ZNF610: variants seen among roughly 807,000 people sequenced by gnomAD.
ZNF610 encodes zinc finger protein 610, also known as zink finger protein.
In ZNF610, 14 loss-of-function variants were observed where a neutral mutation model predicts 14.1. The ratio of observed to expected loss-of-function variants is 0.99; its 90% confidence interval spans 0.65 to 1.55. The LOEUF is 1.55. Among genes scored for constraint, ZNF610 ranks in the 40% most tolerant of loss-of-function variants. The pLI, the probability that ZNF610 is intolerant of heterozygous loss-of-function variation, is 0.00. For synonymous variants in ZNF610, 185 were observed against 187.6 expected, an observed-to-expected ratio of 0.99 and a Z score of 0.11; for missense variants, 530 against 558.0, an observed-to-expected ratio of 0.95 and a Z score of 0.51.
intron 1 of ZNF610, among the ~76,000 whole-genome samples, chr19:52,341,821 A>G (rs1451924793): frequency 6.6e-6 from 1 of 151,314 alleles, no homozygotes; most frequent in African/African-American, 2.4e-5. Flanking sequence ...TTATTTATTT[A>G]TTTTTGAGAC....
chr19:52,347,447 T>G (rs1568647745), intron 1 of ZNF610, among the ~76,000 whole-genome samples: 1 of 152,214 alleles, frequency 6.6e-6, no homozygotes, highest in Non-Finnish European at 1.5e-5. Context: ...CAAAAAGTTA[T>G]AGTAAGCTAA....
chr19:52,359,232 G>A (rs1451855892), intron 5 of ZNF610, among the ~76,000 whole-genome samples: 1 of 152,144 alleles, frequency 6.6e-6, no homozygotes. Context: ...TTTGGCTATT[G>A]ACATCTTAAC....
chr19:52,367,453 A>G lies in ZNF610; in HGVS notation c.*686A>G, dbSNP rs1986163942. 6.6e-6 allele frequency: 1 copy of G among 152,166 alleles called. No individual in the cohort carries two copies. The highest frequency in any genetic ancestry group is 1.5e-5 in the Non-Finnish European group (1 of 68,036). 9.4% of individuals were successfully genotyped at this position (152,166 alleles called of 1,614,324 possible). On this transcript the variant is annotated 3_prime_UTR_variant, in exon 6 of 6. Coordinates refer to ENST00000403906, the MANE Select transcript of ZNF610 (RefSeq NM_001161425.2). ...TTTAAATTTTTCTTAGTGTGAATGA[A>G]TTACATCCTTTCTACCAGCGTTGTT...
intron 1 of ZNF610, among the ~76,000 whole-genome samples, chr19:52,340,960 C>T (rs60690959): frequency 0.62 from 93,636 of 151,900 alleles, 29,580 homozygotes; most frequent in Non-Finnish European, 0.7. Flanking sequence ...GGATTACAGG[C>T]GGGAGCCACT....
chr19:52,350,997 A>C (rs149251901), intron 3 of ZNF610, among the ~76,000 whole-genome samples: 138 of 152,194 alleles, frequency 9.1e-4, no homozygotes, highest in African/African-American at 2.9e-3. Flanking sequence ...CAAAACTCCA[A>C]AAGAAATATA....
At chr19:52,342,188 C>T (rs1984718523) in intron 1 of ZNF610, among the ~76,000 whole-genome samples, 1 of 152,088 alleles carries the variant, frequency 6.6e-6, no homozygotes, top group Non-Finnish European at 1.5e-5. Flanking sequence ...AGTGATTTTC[C>T]CACGTCAGCC....
chr19:52,331,821 G>T (rs1568641183), upstream of ZNF610, among the ~76,000 whole-genome samples: 1 of 152,172 alleles, frequency 6.6e-6, no homozygotes, highest in Non-Finnish European at 1.5e-5. Flanking sequence ...CAGAGCCCTT[G>T]TCCACTAGAG....
At chr19:52,346,446 A>AGCATG (rs1984964191) in intron 1 of ZNF610, among the ~76,000 whole-genome samples, 1 of 151,932 alleles carries the variant, frequency 6.6e-6, no homozygotes, top group Non-Finnish European at 1.5e-5. Context: ...TACAGGCGTG[A>AGCATG]GCATGGGGCC....
chr19:52,356,896 A>G (rs1302660219), intron 5 of ZNF610, among the ~76,000 whole-genome samples: 1 of 152,218 alleles, frequency 6.6e-6, no homozygotes, highest in African/African-American at 2.4e-5. Flanking sequence ...ATAAACACAG[A>G]CAACTTATGT....
At chr19:52,332,143 A>G (rs1031976362), upstream of ZNF610, among the ~76,000 whole-genome samples, 6 of 152,244 alleles carry the variant, frequency 3.9e-5, no homozygotes, top group Admixed American at 1.3e-4. The surrounding 1 kb of genome is among the most constrained non-coding windows in gnomAD (Gnocchi z 4.1). Context: ...TTAAAGAAGT[A>G]CTGGGAATGG....
chr19:52,348,068 T>C (rs940950883), intron 2 of ZNF610, 124 bp downstream of exon 2: 4 of 152,244 alleles, frequency 2.6e-5, no homozygotes, highest in African/African-American at 9.6e-5. Flanking sequence ...TTGCCTGTAG[T>C]ATTCAGTACA....
chr19:52,333,632 C>T (rs1032949781), upstream of ZNF610, among the ~76,000 whole-genome samples: 4 of 152,190 alleles, frequency 2.6e-5, no homozygotes, highest in African/African-American at 9.7e-5. Context: ...AAATAGTAAC[C>T]TCTGAAGGGA....
intron 2 of ZNF610, 109 bp from the exon 3 acceptor site, chr19:52,349,045 A>G (rs1985105468): frequency 1.4e-6 from 1 of 722,332 alleles, no homozygotes; most frequent in African/African-American, 1.8e-5. Flanking sequence ...GCAGTGGGCA[A>G]CAGAGGACAT....
intron 3 of ZNF610, 136 bp from the exon 4 acceptor site, chr19:52,353,546 G>T: frequency 1.1e-6 from 1 of 924,654 alleles, no homozygotes; most frequent in South Asian, 1.7e-5. Flanking sequence ...ACATTTACTA[G>T]AGATTGGAAT....
chr19:52,360,862 G>C (rs1985739689), intron 5 of ZNF610, among the ~76,000 whole-genome samples: 1 of 152,166 alleles, frequency 6.6e-6, no homozygotes, highest in Non-Finnish European at 1.5e-5. Flanking sequence ...TTGCTCTGTA[G>C]TTTTCTTAGA....
chr19:52,342,402 T>C (rs543748785), intron 1 of ZNF610, among the ~76,000 whole-genome samples: 2 of 152,290 alleles, frequency 1.3e-5, no homozygotes, highest in South Asian at 4.1e-4. Context: ...CTTAATAGTT[T>C]TTAAATTTTT....
chr19:52,354,436 C>G, intron 5 of ZNF610, 57 bp downstream of exon 5: 2 of 1,565,520 alleles, frequency 1.3e-6, no homozygotes. Flanking sequence ...TATTTTTGAG[C>G]CAGGGTGTTC....
At chr19:52,352,802 A>G (rs936196771) in intron 3 of ZNF610, among the ~76,000 whole-genome samples, 2 of 150,896 alleles carry the variant, frequency 1.3e-5, no homozygotes, top group African/African-American at 4.9e-5. Flanking sequence ...GTTGATTATG[A>G]TGTTTTATGA....
chr19:52,339,602 C>G (rs1186836856), intron 1 of ZNF610, among the ~76,000 whole-genome samples: 2 of 147,856 alleles, frequency 1.4e-5, no homozygotes, highest in Non-Finnish European at 2.9e-5. Flanking sequence ...AGGGTTGGGG[C>G]TAGGGTTACA....
Sources: allele counts gnomAD v4.1 joint callset (sites outside exome capture counted in the v4.1 genomes callset), GRCh38; gene constraint gnomAD v4.1.1; non-coding constraint Gnocchi (gnomAD v3.1); transcripts MANE v1.5; gene names NCBI Gene and HGNC (gene_info 2026-07-23, HGNC 2026-07-21).